SLC25A13: variants seen among roughly 807,000 people sequenced by gnomAD.
SLC25A13 encodes electrogenic aspartate/glutamate antiporter SLC25A13, mitochondrial.
In SLC25A13, 70 loss-of-function variants were observed where a neutral mutation model predicts 85.5. The ratio of observed to expected loss-of-function variants is 0.82; its 90% CI spans 0.68 to 1.00. The LOEUF (loss-of-function observed/expected upper bound fraction) is 1.00, where lower values mean the gene tolerates loss of function less well. Ranked by LOEUF, SLC25A13 falls within the 50% of genes least tolerant of loss-of-function variation. The pLI, the probability that SLC25A13 is intolerant of heterozygous loss-of-function variation, is 0.00. For missense variants in SLC25A13, 765 were observed against 819.8 expected (o/e 0.93, Z 0.82); for synonymous variants, 259 against 288.7 (o/e 0.90, Z 1.04).
chr7:96,260,890 CA>C (rs1797828083), intron 3 of SLC25A13, among the ~76,000 whole-genome samples: 2 of 152,132 alleles, frequency 1.3e-5, no homozygotes, highest in Admixed American at 1.3e-4. Context: ...TAATGCAGAT[CA>C]TGCTATTCCC....
intron 6 of SLC25A13, 126 bp downstream of exon 6, chr7:96,192,911 T>C (rs1303992903): frequency 9.5e-7 from 1 of 1,050,162 alleles, no homozygotes; most frequent in Non-Finnish European, 1.4e-6. Context: ...TTTAGTAATG[T>C]ATGTGATCAC....
intron 1 of SLC25A13, chr7:96,309,760 C>T (rs149769831): frequency 6.6e-6 from 1 of 152,276 alleles, no homozygotes; most frequent in East Asian, 1.9e-4. Flanking sequence ...CATTATCTCA[C>T]CCAAGCCATT....
chr7:96,134,793 T>TTATATATATATATATATATA (rs10522412), intron 14 of SLC25A13, among the ~76,000 whole-genome samples: 4,132 of 101,522 alleles, frequency 0.041, 246 homozygotes, highest in Non-Finnish European at 0.05. Flanking sequence ...ACAAACAATT[T>TTATATATATATATATATATA]TATATATATA....
chr7:96,294,863 A>G (rs1799288714), intron 2 of SLC25A13, among the ~76,000 whole-genome samples: 1 of 151,886 alleles, frequency 6.6e-6, no homozygotes. Context: ...CTCCTTACAA[A>G]TGTGTCCTTT....
chr7:96,216,808 A>T (rs1795917859), intron 4 of SLC25A13, among the ~76,000 whole-genome samples: 1 of 152,176 alleles, frequency 6.6e-6, no homozygotes, highest in Non-Finnish European at 1.5e-5. Flanking sequence ...TAGGCTTAAT[A>T]TCTGAGTGAT....
chr7:96,217,113 G>T (rs187603259), intron 4 of SLC25A13, among the ~76,000 whole-genome samples: 196 of 152,192 alleles, frequency 1.3e-3, no homozygotes, highest in Non-Finnish European at 2.3e-3. Context: ...ATTGCCAAGA[G>T]GCACATGAAA....
chr7:96,182,397 C>T (rs918319143), intron 11 of SLC25A13, among the ~76,000 whole-genome samples: 9 of 152,220 alleles, frequency 5.9e-5, no homozygotes, highest in Non-Finnish European at 1.2e-4. Context: ...TACTCATCAT[C>T]CTGACAGACA....
rs1231508800 is a variant in SLC25A13, at chr7:96,308,966, T to TA, written c.16-12016dup. On this transcript the variant is annotated intron_variant, in intron 1 of 17. Coordinates refer to ENST00000265631, the MANE Select transcript of SLC25A13 (RefSeq NM_014251.3). Reference sequence around the variant, plus strand: ...TAACTGAAATCTTCATGAACCACCATAAAAAAAGAATCTAGGACTGAGCTT... The same window carrying TA: ...TAACTGAAATCTTCATGAACCACCATAAAAAAAAGAATCTAGGACTGAGCTT... 3.3e-5 allele frequency among the ~76,000 whole-genome samples: 5 copies of TA among 152,160 alleles called. No homozygotes were observed. In the South Asian group the frequency reaches 1.0e-3, roughly 32 times the overall value.
intron 14 of SLC25A13, among the ~76,000 whole-genome samples, chr7:96,136,291 G>A (rs1792283561): frequency 6.6e-6 from 1 of 152,178 alleles, no homozygotes; most frequent in Non-Finnish European, 1.5e-5. Flanking sequence ...TAGAGATTCT[G>A]GCGGCAGCAT....
intron 14 of SLC25A13, among the ~76,000 whole-genome samples, chr7:96,145,226 T>A (rs749476302): frequency 2.0e-5 from 3 of 152,134 alleles, no homozygotes; most frequent in Admixed American, 6.5e-5. Context: ...CTAAAATTAA[T>A]CCCAGAAAAG....
At chr7:96,178,938 A>G (rs1794323694) in intron 11 of SLC25A13, among the ~76,000 whole-genome samples, 1 of 152,358 alleles carries the variant, frequency 6.6e-6, no homozygotes, top group East Asian at 1.9e-4. Context: ...TGTACAGTGG[A>G]GCTGGGGAAA....
intron 4 of SLC25A13, among the ~76,000 whole-genome samples, chr7:96,225,846 G>T (rs1796311231): frequency 6.6e-6 from 1 of 151,854 alleles, no homozygotes; most frequent in African/African-American, 2.4e-5. Context: ...TTTTGTATTT[G>T]TTTATAGTCT....
At chr7:96,141,229 T>G (rs547558194) in intron 14 of SLC25A13, among the ~76,000 whole-genome samples, 54 of 152,240 alleles carry the variant, frequency 3.5e-4, no homozygotes, top group African/African-American at 1.3e-3. Context: ...TGTCTTGCTA[T>G]GCTGCCTAGG....
chr7:96,127,446 A>G (rs1171929057), intron 15 of SLC25A13, among the ~76,000 whole-genome samples: 1 of 152,226 alleles, frequency 6.6e-6, no homozygotes, highest in Non-Finnish European at 1.5e-5. Flanking sequence ...TGAACAAAAC[A>G]AAAACAAAAA....
chr7:96,183,563 T>G (rs975974252), intron 11 of SLC25A13, among the ~76,000 whole-genome samples: 1 of 152,166 alleles, frequency 6.6e-6, no homozygotes, highest in Non-Finnish European at 1.5e-5. Context: ...TTCCTTCTCG[T>G]AGAAGGCAAT....
rs1197228945 is a variant in SLC25A13 at position 96,184,303 on chromosome 7, T to C, written c.1151A>G (p.Tyr384Cys). The C allele has an allele frequency of 1.2e-6, 2 of 1,614,174 alleles. No homozygotes were observed. The highest frequency in any genetic ancestry group is 1.7e-6 in the Non-Finnish European group (2 of 1,180,024). ...TCTATACAGTCCAAAGAAGCCTTCA[T>C]AGCGTAGCACTTTCTTAAAACAGTC... ...SFDCFKKVLRYEGFFGLYRGL... is the reference protein window; with the variant it reads ...SFDCFKKVLRCEGFFGLYRGL... The change falls in exon 11 of 18, where the codon TAT (tyrosine) becomes TGT (cysteine). Residue 384 changes from tyrosine to cysteine, a missense_variant. Physicochemically the swap from Tyr to Cys is radical, Grantham distance 194. Transcript: ENST00000265631.
chr7:96,201,649 A>G, intron 5 of SLC25A13, among the ~76,000 whole-genome samples: 1 of 152,194 alleles, frequency 6.6e-6, no homozygotes, highest in Admixed American at 6.5e-5. Context: ...TTGTCCACTC[A>G]TCTGTAAAGA....
chr7:96,202,764 A>C (rs781697191), intron 5 of SLC25A13, among the ~76,000 whole-genome samples: 2 of 152,148 alleles, frequency 1.3e-5, no homozygotes, highest in Non-Finnish European at 2.9e-5. Context: ...CAGCTCTTAC[A>C]TATAAAGCAC....
intron 14 of SLC25A13, among the ~76,000 whole-genome samples, chr7:96,132,501 T>C (rs1229659693): frequency 6.6e-6 from 1 of 152,140 alleles, no homozygotes; most frequent in East Asian, 1.9e-4. Context: ...TTCACAATAA[T>C]TCGGATACAT....
Sources: gnomAD v4.1 joint callset for allele counts (sites outside exome capture counted in the v4.1 genomes callset) on GRCh38, gnomAD v4.1.1 for gene constraint, MANE v1.5 for transcripts, NCBI Gene and HGNC (gene_info 2026-07-23, HGNC 2026-07-21) for gene names.